PAM: variants seen among roughly 807,000 people sequenced by gnomAD.
PAM encodes peptidylglycine alpha-amidating monooxygenase, also known as peptidyl-glycine alpha-amidating monooxygenase.
In PAM, 72 loss-of-function variants were observed where a neutral mutation model predicts 122.1. That is an observed-to-expected ratio of 0.59 (90% CI 0.49 to 0.72). The LOEUF is 0.72. PAM is among the 30% of genes least tolerant of loss of function. PAM has a pLI of 0.00. For synonymous variants in PAM, 389 were observed against 404.4 expected, an observed-to-expected ratio of 0.96 and a Z score of 0.46; for missense variants, 1,106 against 1,183.7, an observed-to-expected ratio of 0.93 and a Z score of 0.96.
chr5:102,763,456 T>C (rs980612969), intron 1 of PAM, among the ~76,000 whole-genome samples: 4 of 151,828 alleles, frequency 2.6e-5, no homozygotes, highest in African/African-American at 9.7e-5. Context: ...GTGAAGAGTA[T>C]AGGAGGAAGA....
chr5:103,003,981 T>C (rs886117282), intron 17 of PAM, among the ~76,000 whole-genome samples: 28 of 152,076 alleles, frequency 1.8e-4, no homozygotes, highest in Non-Finnish European at 3.8e-4. Flanking sequence ...TTGACTGATA[T>C]TTATGGTCAT....
At chr5:102,852,756 A>G (rs183258281) in intron 1 of PAM, among the ~76,000 whole-genome samples, 334 of 152,356 alleles carry the variant, frequency 2.2e-3, no homozygotes, top group Non-Finnish European at 3.2e-3. Flanking sequence ...GATAATTTAC[A>G]TAAGCCCTTT....
intron 1 of PAM, among the ~76,000 whole-genome samples, chr5:102,802,688 C>T (rs1765092456): frequency 6.6e-6 from 1 of 152,118 alleles, no homozygotes; most frequent in African/African-American, 2.4e-5. Context: ...CTGTATCACC[C>T]AGTTACAACA....
chr5:102,764,639 C>G (rs781185569), intron 1 of PAM, among the ~76,000 whole-genome samples: 2 of 152,180 alleles, frequency 1.3e-5, no homozygotes, highest in Non-Finnish European at 2.9e-5. Flanking sequence ...CTTAAAGCAT[C>G]TATATGGGGT....
chr5:102,893,698 GT>G (rs1212916171), intron 3 of PAM, among the ~76,000 whole-genome samples: 2 of 151,680 alleles, frequency 1.3e-5, no homozygotes, highest in Non-Finnish European at 2.9e-5. Flanking sequence ...TAAATTAGGT[GT>G]TTAGGTTCCT....
intron 6 of PAM, 69 bp from the exon 7 acceptor site, chr5:102,926,516 C>A: frequency 1.2e-6 from 1 of 840,732 alleles, no homozygotes. Context: ...GTTCATAGAA[C>A]AGCAATTTGA....
intron 5 of PAM, among the ~76,000 whole-genome samples, chr5:102,924,433 C>CAAAA (rs989089756): frequency 1.9e-5 from 1 of 52,206 alleles, no homozygotes; most frequent in Non-Finnish European, 4.4e-5. Flanking sequence ...AACTCCGTCT[C>CAAAA]AAAAAAAAAA....
chr5:103,014,549 G>A (rs762576147), intron 21 of PAM, among the ~76,000 whole-genome samples: 9 of 152,152 alleles, frequency 5.9e-5, no homozygotes, highest in Non-Finnish European at 1.3e-4. Context: ...TTGGGTGAAG[G>A]AAATAATATG....
intron 1 of PAM, among the ~76,000 whole-genome samples, chr5:102,819,659 G>A (rs1580526551): frequency 6.6e-6 from 1 of 152,204 alleles, no homozygotes; most frequent in East Asian, 1.9e-4. Flanking sequence ...TTCTACCACA[G>A]ATTTTGTTCT....
At chr5:103,028,268 T>C (rs1170432112) in intron 25 of PAM, 30 bp downstream of exon 25, 1 of 1,494,596 alleles carries the variant, frequency 6.7e-7, no homozygotes, top group Non-Finnish European at 9.3e-7. Flanking sequence ...GAACCCTTCA[T>C]GTTTGGTTCA....
chr5:102,872,851 A>T (rs971983148), intron 3 of PAM, among the ~76,000 whole-genome samples: 1 of 152,174 alleles, frequency 6.6e-6, no homozygotes, highest in African/African-American at 2.4e-5. Context: ...TCATTGTGTA[A>T]AAAAGATGTA....
Position 102,939,115 on chromosome 5 carries a change from T to C in PAM, c.527-7722T>C, listed in dbSNP as rs564118324. ...GCATTTGATGAAAACCATTCAAATATAATGTTTAATAATATGGACAGAATA... is the reference window on the plus strand; with the variant it reads ...GCATTTGATGAAAACCATTCAAATACAATGTTTAATAATATGGACAGAATA... On this transcript the variant is annotated intron_variant, in intron 7 of 25. Coordinates refer to ENST00000438793, the MANE Select transcript of PAM (RefSeq NM_001177306.2). 8.3e-4 allele frequency among the ~76,000 whole-genome samples: 126 copies of C among 152,282 alleles called. 1 individual carries two copies. Among genetic ancestry groups the C allele is most frequent in the African/African-American group, 2.8e-3 (117 of 41,572 alleles).
intron 1 of PAM, among the ~76,000 whole-genome samples, chr5:102,850,909 G>C (rs959408661): frequency 1.3e-5 from 2 of 152,114 alleles, no homozygotes; most frequent in African/African-American, 4.8e-5. Flanking sequence ...ACTACCATTT[G>C]GTCTCAAATT....
chr5:102,812,701 C>T (rs1768324951), intron 1 of PAM, among the ~76,000 whole-genome samples: 1 of 151,902 alleles, frequency 6.6e-6, no homozygotes, highest in African/African-American at 2.4e-5. Flanking sequence ...GATTTTATGT[C>T]ATTATGAGAT....
At chr5:102,947,712 A>G (rs1757486061) in intron 8 of PAM, among the ~76,000 whole-genome samples, 1 of 152,160 alleles carries the variant, frequency 6.6e-6, no homozygotes, top group South Asian at 2.1e-4. Flanking sequence ...AGATGTTACT[A>G]CACTTCTTTT....
At chr5:103,028,112 G>A in intron 24 of PAM, 73 bp from the exon 25 acceptor site, 2 of 1,131,712 alleles carry the variant, frequency 1.8e-6, no homozygotes, top group Non-Finnish European at 1.3e-6. Flanking sequence ...CCTATTTTAA[G>A]TTGGAAGTTG....
chr5:102,846,658 T>C (rs1780030432), intron 1 of PAM, among the ~76,000 whole-genome samples: 1 of 152,180 alleles, frequency 6.6e-6, no homozygotes, highest in Non-Finnish European at 1.5e-5. Flanking sequence ...GCAGGTTATA[T>C]AGCAAGGACT....
intron 14 of PAM, among the ~76,000 whole-genome samples, chr5:102,972,648 G>A (rs565824756): frequency 1.3e-5 from 2 of 152,244 alleles, no homozygotes; most frequent in South Asian, 2.1e-4. Context: ...TAAATAAGAC[G>A]TTTCATTGTA....
At chr5:102,755,483 C>T (rs1373175114) in intron 1 of PAM, 135 bp downstream of exon 1, 1 of 136,854 alleles carries the variant, frequency 7.3e-6, no homozygotes, top group Non-Finnish European at 1.5e-5. Context: ...GTTGCTTTTT[C>T]TCCCGGGCTG....
Sources: allele counts gnomAD v4.1 joint callset (sites outside exome capture counted in the v4.1 genomes callset), GRCh38; gene constraint gnomAD v4.1.1; transcripts MANE v1.5; gene names NCBI Gene and HGNC (gene_info 2026-07-23, HGNC 2026-07-21).